Variants in SLCO3A1 observed in about 807,000 individuals in gnomAD.
SLCO3A1 encodes the protein solute carrier organic anion transporter family member 3A1.
Under a neutral mutation model 63.1 loss-of-function variants are expected in SLCO3A1, and 27 were observed. The ratio of observed to expected loss-of-function variants is 0.43; its 90% CI spans 0.32 to 0.59. The LOEUF (loss-of-function observed/expected upper bound fraction) is 0.59, where lower values mean the gene tolerates loss of function less well. Among genes scored for constraint, SLCO3A1 ranks in the 20% least tolerant of loss-of-function variants. The pLI, the probability that SLCO3A1 is intolerant of heterozygous loss-of-function variation, is 0.09. For synonymous variants in SLCO3A1, 473 were observed against 409.9 expected (o/e 1.15, Z -1.86); for missense variants, 773 against 945.8 (o/e 0.82, Z 2.40).
chr15:92,156,207 A>G (rs2048369737), intron 9 of SLCO3A1, among the ~76,000 whole-genome samples: 1 of 152,364 alleles, frequency 6.6e-6, no homozygotes, highest in Admixed American at 6.5e-5. Flanking sequence ...CAAGCACAGC[A>G]TGCCCAGGGG....
At chr15:91,995,515 G>A (rs973509149) in intron 2 of SLCO3A1, among the ~76,000 whole-genome samples, 3 of 152,136 alleles carry the variant, frequency 2.0e-5, no homozygotes, top group African/African-American at 4.8e-5. Flanking sequence ...TGGAAACTTA[G>A]TGATAACTTT....
intron 2 of SLCO3A1, among the ~76,000 whole-genome samples, chr15:92,043,150 A>G (rs1274943084): frequency 8.0e-6 from 1 of 125,580 alleles, no homozygotes; most frequent in East Asian, 2.6e-4. Context: ...TTTGCTTTCC[A>G]TGCTTGCCAG....
Position 91,954,633 on chromosome 15 carries a change from A to G in SLCO3A1, c.646+38175A>G, listed in dbSNP as rs1035655809. 6.6e-6 allele frequency among the ~76,000 whole-genome samples: 1 copy of G among 152,112 alleles called. No individual in the cohort carries two copies. Among genetic ancestry groups the G allele is most frequent in the Non-Finnish European group, 1.5e-5 (1 of 68,022 alleles). On this transcript the variant is annotated intron_variant, in intron 2 of 9. Transcript: ENST00000318445. The surrounding 1 kb of genome is among the most constrained non-coding windows in gnomAD (Gnocchi z 4.7). The stretch of plus-strand genomic sequence containing the variant: ...AAGAGGAAGTGGAAGTTGGCGGGGA[A>G]GAGTGTTGCAGGTCCAGGAAGTGGC...
At chr15:91,914,215 C>T (rs1309202911) in intron 1 of SLCO3A1, among the ~76,000 whole-genome samples, 1 of 152,204 alleles carries the variant, frequency 6.6e-6, no homozygotes, top group African/African-American at 2.4e-5. Flanking sequence ...CCCAGGTGGT[C>T]TGGCCCTAGA....
intron 2 of SLCO3A1, among the ~76,000 whole-genome samples, chr15:91,938,463 C>G (rs1338000251): frequency 4.8e-5 from 7 of 147,224 alleles, no homozygotes; most frequent in African/African-American, 1.8e-4. Context: ...TTGGAATACT[C>G]TAAACATTGG....
chr15:91,985,985 C>T (rs556945225), intron 2 of SLCO3A1, among the ~76,000 whole-genome samples: 1 of 152,266 alleles, frequency 6.6e-6, no homozygotes, highest in East Asian at 1.9e-4. Flanking sequence ...GGCTCTCCCC[C>T]TTGTAACAGG....
In SLCO3A1 at chr15:91,948,766, G is replaced by A. The variant is rs1054685137; in HGVS notation, c.646+32308G>A. 2.0e-5 allele frequency among the ~76,000 whole-genome samples: 3 copies of A among 152,080 alleles called. No individual in the cohort carries two copies. Among genetic ancestry groups the A allele is most frequent in the Non-Finnish European group, 4.4e-5 (3 of 68,006 alleles). On this transcript the variant is annotated intron_variant, in intron 2 of 9. Coordinates refer to ENST00000318445, the MANE Select transcript of SLCO3A1 (RefSeq NM_013272.4). This position sits in a 1 kb window ranked among gnomAD's most constrained non-coding sequence, Gnocchi z 4.8. ...CTGGGATGTAAAGTTGGAAGTCAGGGTCCTTTGGGTCCTGTATCCTGACTA... is the reference window on the plus strand; with the variant it reads ...CTGGGATGTAAAGTTGGAAGTCAGGATCCTTTGGGTCCTGTATCCTGACTA...
intron 6 of SLCO3A1, among the ~76,000 whole-genome samples, chr15:92,126,678 G>A (rs962854840): frequency 6.6e-6 from 1 of 152,168 alleles, no homozygotes. Flanking sequence ...CTGGCCCATG[G>A]CAGGTGTTCT....
intron 2 of SLCO3A1, among the ~76,000 whole-genome samples, chr15:92,076,161 T>A (rs2047273788): frequency 6.6e-6 from 1 of 152,134 alleles, no homozygotes; most frequent in Non-Finnish European, 1.5e-5. Context: ...AGGGTGAAAT[T>A]TGCATTTGAC....
chr15:91,947,104 C>T (rs1026515803), intron 2 of SLCO3A1, among the ~76,000 whole-genome samples: 8 of 152,170 alleles, frequency 5.3e-5, no homozygotes, highest in African/African-American at 1.7e-4. Context: ...CTGTGTATTT[C>T]CTTCCCTGGC....
chr15:91,964,951 C>T (rs1038228697), intron 2 of SLCO3A1, among the ~76,000 whole-genome samples: 4 of 151,966 alleles, frequency 2.6e-5, no homozygotes, highest in African/African-American at 4.8e-5. Context: ...TGAGTGTGGC[C>T]AGCAGTCCTA....
At chr15:91,965,279 T>G (rs527247503) in intron 2 of SLCO3A1, among the ~76,000 whole-genome samples, 1 of 152,276 alleles carries the variant, frequency 6.6e-6, no homozygotes, top group South Asian at 2.1e-4. Context: ...AAGCCCTGGC[T>G]CCTCAGGGAT....
intron 2 of SLCO3A1, among the ~76,000 whole-genome samples, chr15:92,092,868 C>G (rs1020529785): frequency 2.6e-5 from 4 of 152,110 alleles, no homozygotes; most frequent in African/African-American, 4.8e-5. Context: ...CAAAGTGACA[C>G]ATTTTCATTT....
chr15:92,004,626 A>G (rs1434274661), intron 2 of SLCO3A1, among the ~76,000 whole-genome samples: 2 of 152,198 alleles, frequency 1.3e-5, no homozygotes, highest in African/African-American at 4.8e-5. Context: ...TAGTCTGTGT[A>G]TCAACAAAAT....
intron 2 of SLCO3A1, among the ~76,000 whole-genome samples, chr15:91,969,974 A>AT (rs1900800110): frequency 6.6e-6 from 1 of 152,214 alleles, no homozygotes; most frequent in South Asian, 2.1e-4. Context: ...AAAATCCTCC[A>AT]GCATAACATT....
chr15:92,121,871 C>A (rs887123206), intron 5 of SLCO3A1, among the ~76,000 whole-genome samples: 2 of 152,216 alleles, frequency 1.3e-5, no homozygotes, highest in Admixed American at 1.3e-4. Context: ...CCAAATGTCT[C>A]TGTTGGCTTT....
In SLCO3A1 at chr15:91,969,333, TCTCA is replaced by T. The variant is rs554367063; in HGVS notation, c.646+52879_646+52882del. ...TAATTTTTTTTTTTTTGAGATGAAT[TCTCA>T]CTCTGTTGCCCAGGCTGGATTGCAG... On this transcript the variant is annotated intron_variant, in intron 2 of 9. Coordinates refer to ENST00000318445, the MANE Select transcript of SLCO3A1 (RefSeq NM_013272.4). Among the ~76,000 whole-genome samples, 28 of 151,676 alleles carry T rather than the reference TCTCA, an allele frequency of 1.8e-4. No homozygotes were observed. In the East Asian group the frequency reaches 5.0e-3, roughly 27 times the overall value.
At chr15:91,895,623 A>T (rs1025860537) in intron 1 of SLCO3A1, among the ~76,000 whole-genome samples, 1 of 152,200 alleles carries the variant, frequency 6.6e-6, no homozygotes, top group Non-Finnish European at 1.5e-5. Flanking sequence ...AATACTGTTG[A>T]TTCATAGTGC....
chr15:92,033,797 G>C lies in SLCO3A1; in HGVS notation c.647-61084G>C, dbSNP rs141615146. Among the ~76,000 whole-genome samples, 2 of 152,264 alleles carry C rather than the reference G, an allele frequency of 1.3e-5. No homozygotes were observed. The highest frequency in any genetic ancestry group is 2.9e-5 in the Non-Finnish European group (2 of 68,016). On this transcript the variant is annotated intron_variant, in intron 2 of 9. Coordinates refer to ENST00000318445, the MANE Select transcript of SLCO3A1 (RefSeq NM_013272.4). This position sits in a 1 kb window ranked among gnomAD's most constrained non-coding sequence, Gnocchi z 4.5. ...AGGGGCAGGTCTCACTGAGGTTTTG[G>C]CATGTGTGTAAAGACATCAAGGGAG...
Sources: gnomAD v4.1 joint callset for allele counts (sites outside exome capture counted in the v4.1 genomes callset) on GRCh38, gnomAD v4.1.1 for gene constraint, Gnocchi (gnomAD v3.1) non-coding constraint, MANE v1.5 for transcripts, NCBI Gene and HGNC (gene_info 2026-07-23, HGNC 2026-07-21) for gene names.